The following DCHS2 variants were observed in gnomAD, a reference collection of about 807,000 sequenced individuals.
The protein encoded by DCHS2 is protocadherin-23.
DCHS2 carries 142 observed loss-of-function variants against 182.4 expected under a neutral mutation model. That is an observed-to-expected ratio of 0.78 (90% confidence interval 0.68 to 0.89). The LOEUF (loss-of-function observed/expected upper bound fraction) is 0.89. Among genes scored for constraint, DCHS2 ranks in the 40% least tolerant of loss-of-function variants. DCHS2 has a pLI of 0.00. For synonymous variants in DCHS2, 1,740 were observed against 1,663.3 expected (o/e 1.05, Z -1.12); for missense variants, 4,319 against 4,198.6 (o/e 1.03, Z -0.79).
rs2111281474 is a variant in DCHS2 at position 154,298,153 on chromosome 4, T to C, written c.6161A>G (p.Asn2054Ser). 6.2e-7 allele frequency: 1 copy of C among 1,614,122 alleles called. No homozygotes were observed. Among genetic ancestry groups the C allele is most frequent in the African/African-American group, 1.3e-5 (1 of 75,052 alleles). Residue 2054 changes from asparagine to serine, a missense_variant, in exon 13 of 20, where the codon AAC (asparagine) becomes AGC (serine). Coordinates refer to ENST00000357232, the MANE Select transcript of DCHS2 (RefSeq NM_001358235.2). ...DVFLSPESPT[N>S]QTTVIVRADD... ...AGCTCTCACAATGACAGTTGTCTGGTTTGTAGGCGACTCGGGGGAAAGAAA... is the reference window on the plus strand; with the variant it reads ...AGCTCTCACAATGACAGTTGTCTGGCTTGTAGGCGACTCGGGGGAAAGAAA...
chr4:154,415,369 G>T (rs1389761639), intron 1 of DCHS2, among the ~76,000 whole-genome samples: 1 of 152,104 alleles, frequency 6.6e-6, no homozygotes, highest in Non-Finnish European at 1.5e-5. Context: ...TTCCTAACTT[G>T]CTCCAAATTT....
chr4:154,323,130 T>C (rs1736141606), intron 7 of DCHS2: 1 of 1,434,384 alleles, frequency 7.0e-7, no homozygotes, highest in Non-Finnish European at 9.3e-7. Context: ...ATCCTGACAT[T>C]TTCCATGATC....
intron 12 of DCHS2, among the ~76,000 whole-genome samples, chr4:154,303,257 C>T (rs1735290553): frequency 6.6e-6 from 1 of 152,052 alleles, no homozygotes. Context: ...GCTGGGATGA[C>T]AGCCATGACC....
chr4:154,448,325 C>T (rs1240911492), intron 1 of DCHS2, among the ~76,000 whole-genome samples: 1 of 152,188 alleles, frequency 6.6e-6, no homozygotes. Context: ...GACCAGAACT[C>T]TATATCTCAG....
At chr4:154,349,970 G>A (rs1438957972) in intron 3 of DCHS2, among the ~76,000 whole-genome samples, 1 of 152,172 alleles carries the variant, frequency 6.6e-6, no homozygotes, top group Non-Finnish European at 1.5e-5. Flanking sequence ...CTATCTCTGA[G>A]TCTGGAATCT....
rs771764741 is a variant in DCHS2 at position 154,236,107 on chromosome 4, A to G, written c.8545T>C (p.Cys2849Arg). Reference sequence around the variant, plus strand: ...TTGTCTTTGGCTTGGACTGTGAGGCAGTATTTATTGCCATTTTCATAGTCA... The same window carrying G: ...TTGTCTTTGGCTTGGACTGTGAGGCGGTATTTATTGCCATTTTCATAGTCA... ...ILDYENGNKY[C>R]LTVQAKDKGD... The change falls in exon 20 of 20, where the codon TGC becomes CGC. Residue 2849 changes from cysteine (C) to arginine (R), a missense_variant. Coordinates refer to ENST00000357232, the MANE Select transcript of DCHS2 (RefSeq NM_001358235.2). The G allele has an allele frequency of 1.2e-6, 2 of 1,613,764 alleles. No homozygotes were observed. The highest frequency in any genetic ancestry group is 2.2e-5 in the South Asian group (2 of 91,072).
In DCHS2 at chr4:154,259,616, G is replaced by C. The variant is rs781503131; in HGVS notation, c.6718C>G (p.Pro2240Ala). Reference protein sequence around the residue: ...VLIQDENDNSPCFEQSIYQAS... With the variant: ...VLIQDENDNSACFEQSIYQAS... ...TGGTAAATGCTTTGTTCAAAGCATG[G>C]TGAATTATCATTCTCATCCTGTATC... Residue 2240 changes from proline to alanine, a missense_variant, in exon 15 of 20, where the codon CCA becomes GCA. Coordinates refer to ENST00000357232, the MANE Select transcript of DCHS2 (RefSeq NM_001358235.2). 3 of 1,613,926 alleles carry C rather than the reference G, an allele frequency of 1.9e-6. No homozygotes were observed. The highest frequency in any genetic ancestry group is 8.5e-7 in the Non-Finnish European group (1 of 1,179,992).
chr4:154,304,727 C>T lies in DCHS2; in HGVS notation c.5547G>A (p.Thr1849=), dbSNP rs764654787. Residue 1849 remains threonine (T), a synonymous_variant, in exon 12 of 20, where the codon ACG becomes ACA. Transcript: ENST00000357232. The part of the protein sequence containing the change: ...LENQEPEVVY[T]VLASDMDAGN... ...CAGCATCCATATCAGAGGCTAAAAC[C>T]GTATAGACAACCTCTGGTTCCTGGT... The T allele has an allele frequency of 5.6e-5, 91 of 1,613,770 alleles. 1 individual carries two copies. Among genetic ancestry groups the T allele is most frequent in the Non-Finnish European group, 6.5e-5 (77 of 1,179,924 alleles).
At chr4:154,470,136 G>A (rs1735399257) in intron 1 of DCHS2, among the ~76,000 whole-genome samples, 1 of 152,116 alleles carries the variant, frequency 6.6e-6, no homozygotes, top group Non-Finnish European at 1.5e-5. Context: ...GCAAGAAAAG[G>A]AAAGATGCAG....
chr4:154,488,886 ATGTGTGTGTGTGTGTCTGTG>A (rs1425214362), intron 1 of DCHS2, among the ~76,000 whole-genome samples: 67 of 118,034 alleles, frequency 5.7e-4, no homozygotes, highest in East Asian at 4.5e-3. Context: ...AAATATATAT[ATGTGTGTGTGTGTGTCTGTG>A]TGTGTGTGTG....
chr4:154,460,454 T>C (rs1250450712), intron 1 of DCHS2, among the ~76,000 whole-genome samples: 1 of 152,194 alleles, frequency 6.6e-6, no homozygotes, highest in Non-Finnish European at 1.5e-5. Context: ...GGCACATTAT[T>C]TCACTGCTAT....
chr4:154,321,128 A>G lies in DCHS2; in HGVS notation c.4271T>C (p.Leu1424Ser). 6.2e-7 allele frequency: 1 copy of G among 1,600,666 alleles called. No individual in the cohort carries two copies. The highest frequency in any genetic ancestry group is 8.5e-7 in the Non-Finnish European group (1 of 1,171,116). ...ENLKPTKIMS[L>S]IKSSDHLQQH... ...TTGAAGGTGATCAGATGACTTTATCAAGCTCATTATTTTTGTGGGCTTCAA... is the reference window on the plus strand; with the variant it reads ...TTGAAGGTGATCAGATGACTTTATCGAGCTCATTATTTTTGTGGGCTTCAA... Residue 1424 changes from leucine (L) to serine (S), a missense_variant, in exon 9 of 20, where the codon TTG becomes TCG. Leu to Ser is a moderately radical substitution (Grantham distance 145, BLOSUM62 -2). Coordinates refer to ENST00000357232, the MANE Select transcript of DCHS2 (RefSeq NM_001358235.2).
chr4:154,459,751 TCTCTCTCTCTC>T (rs1734932525), intron 1 of DCHS2, among the ~76,000 whole-genome samples: 1 of 91,194 alleles, frequency 1.1e-5, no homozygotes, highest in African/African-American at 3.2e-5. Flanking sequence ...TCTCTCTCTC[TCTCTCTCTCTC>T]TCTCTCTCTC....
In DCHS2 at chr4:154,491,321, C is replaced by A; in HGVS notation, c.35G>T (p.Arg12Leu). The A allele has an allele frequency of 6.5e-7, 1 of 1,545,264 alleles. No homozygotes were observed. Among genetic ancestry groups the A allele is most frequent in the Non-Finnish European group, 8.7e-7 (1 of 1,142,868 alleles). The change falls in exon 1 of 20, where the codon CGT (arginine) becomes CTT (leucine). Residue 12 changes from arginine (R) to leucine (L), a missense_variant. Arg to Leu is a moderately radical substitution (Grantham distance 102, BLOSUM62 -2). Coordinates refer to ENST00000357232, the MANE Select transcript of DCHS2 (RefSeq NM_001358235.2). Reference protein sequence around the residue: ...SPCGRKMGEGRQQRRAPVGKL... With the variant: ...SPCGRKMGEGLQQRRAPVGKL... ...CCCGACCGGAGCCCGCCGCTGCTGA[C>A]GCCCTTCGCCCATCTTCCGCCCACA...
At chr4:154,293,821 T>G (rs1380709975) in intron 13 of DCHS2, among the ~76,000 whole-genome samples, 1 of 152,218 alleles carries the variant, frequency 6.6e-6, no homozygotes, top group Non-Finnish European at 1.5e-5. Flanking sequence ...TGAGGCTCTG[T>G]GCACGCTGCT....
intron 7 of DCHS2, chr4:154,323,170 G>C (rs1736143112): frequency 6.5e-7 from 1 of 1,543,266 alleles, no homozygotes. Context: ...CCAACGTGTA[G>C]CATAATATGT....
intron 1 of DCHS2, chr4:154,384,343 T>C: frequency 1.2e-6 from 2 of 1,606,812 alleles, no homozygotes; most frequent in Non-Finnish European, 1.7e-6. Flanking sequence ...GCCCTCCTCC[T>C]CATGCACCAC....
At chr4:154,463,970 G>A (rs567283059) in intron 1 of DCHS2, among the ~76,000 whole-genome samples, 4 of 152,286 alleles carry the variant, frequency 2.6e-5, no homozygotes, top group African/African-American at 9.6e-5. Flanking sequence ...GATAGAATAT[G>A]ATATTTAGTT....
Position 154,489,995 on chromosome 4 carries a change from G to C in DCHS2, c.1361C>G (p.Ala454Gly), listed in dbSNP as rs751295155. The change falls in exon 1 of 20, where the codon GCC becomes GGC. Residue 454 changes from alanine to glycine, a missense_variant. Transcript: ENST00000357232. ...AAGACCCACACCAAGCTCCCCTGTG[G>C]CCTCATCTTCCTTCTCCCAGTCACC... ...ADGDWEKEDE[A>G]TGELGVGLGD... 1 of 1,549,852 alleles carries C rather than the reference G, an allele frequency of 6.5e-7. No homozygotes were observed. The highest frequency in any genetic ancestry group is 1.4e-5 in the African/African-American group (1 of 73,156).
Sources: allele counts gnomAD v4.1 joint callset (sites outside exome capture counted in the v4.1 genomes callset), GRCh38; gene constraint gnomAD v4.1.1; transcripts MANE v1.5; gene names NCBI Gene and HGNC (gene_info 2026-07-23, HGNC 2026-07-21).